Variants in LARGE2 observed in about 807,000 individuals in gnomAD.
LARGE2 encodes xylosyl- and glucuronyltransferase LARGE2.
In LARGE2, 63 loss-of-function variants were observed where a neutral mutation model predicts 75.3. The observed-to-expected ratio is 0.84, with a 90% CI of 0.68 to 1.03. The LOEUF is 1.03. LARGE2 is among the 50% of genes least tolerant of loss of function. The pLI is 0.00. For missense variants in LARGE2, 925 were observed against 980.6 expected (o/e 0.94, Z 0.76); for synonymous variants, 428 against 420.1 (o/e 1.02, Z -0.23).
intron 2 of LARGE2, 85 bp downstream of exon 2, chr11:45,923,252 A>G (rs2086996595): frequency 1.4e-5 from 18 of 1,302,158 alleles, no homozygotes; most frequent in Non-Finnish European, 1.8e-5. Context: ...GAATCACAGT[A>G]CCTGGCGTCT....
At chr11:45,928,531 G>A in intron 13 of LARGE2, 99 bp from the exon 14 acceptor site, 1 of 1,542,796 alleles carries the variant, frequency 6.5e-7, no homozygotes, top group Non-Finnish European at 8.7e-7. Context: ...CCTTGCTTTA[G>A]CTCTCAGGGG....
At position 45,927,411 on chromosome 11, in the gene LARGE2, C is replaced by T. The variant is rs138897549; in HGVS notation, c.1422C>T (p.Phe474=). The change falls in exon 11 of 14, where the codon TTC becomes TTT. Residue 474 remains phenylalanine, a synonymous_variant. Transcript: ENST00000401752. ...CAGAAGCTCAGCAGTTCCTGCATTT[C>T]GTCGAGGCCTCACCAGTGCTTGCTG... The part of the protein sequence containing the change: ...TDAEAQQFLH[F]VEASPVLAAR... 276 of 1,614,176 alleles carry T rather than the reference C, an allele frequency of 1.7e-4. 2 individuals are homozygous for T. Among genetic ancestry groups the T allele is most frequent in the South Asian group, 1.1e-3 (97 of 91,088 alleles).
Position 45,926,311 on chromosome 11 carries a change from GGCCGAGC to G in LARGE2, c.975_981del (p.Glu326AlafsTer10). ...ATGTGCAGCTGTCAGATCACACACT[GGCCGAGC>G]GCTGCTACTCTGAGGCGTCTGACCT... On this transcript the variant is annotated frameshift_variant, in exon 8 of 14. Transcript: ENST00000401752. LOFTEE classifies it high-confidence loss of function. 1 of 1,614,190 alleles carries G rather than the reference GGCCGAGC, an allele frequency of 6.2e-7. No homozygotes were observed. The highest frequency in any genetic ancestry group is 8.5e-7 in the Non-Finnish European group (1 of 1,180,034).
Position 45,922,739 on chromosome 11 carries a change from TG to T in LARGE2, c.-63+13del. 1 of 581,968 alleles carries T rather than the reference TG, an allele frequency of 1.7e-6. No individual in the cohort carries two copies. Among genetic ancestry groups the T allele is most frequent in the Non-Finnish European group, 2.5e-6 (1 of 400,952 alleles). 36.1% of individuals were successfully genotyped at this position (581,968 alleles called of 1,614,324 possible). ...GAGCCGCTGGAGCAGGTGAGGGAGGTGGCTCGGCGCGAGCCGCACAACCCGG... is the reference window on the plus strand; with the variant it reads ...GAGCCGCTGGAGCAGGTGAGGGAGGTGCTCGGCGCGAGCCGCACAACCCGG... On this transcript the variant is annotated intron_variant, in intron 1 of 13. Transcript: ENST00000401752.
intron 3 of LARGE2, 146 bp downstream of exon 3, chr11:45,923,701 A>C: frequency 2.8e-6 from 2 of 726,270 alleles, no homozygotes; most frequent in East Asian, 5.5e-5. Flanking sequence ...TTGTAAGAAC[A>C]TCCTGCCGGG....
At chr11:45,922,533 G>C (rs529029633), upstream of LARGE2, among the ~76,000 whole-genome samples, 5 of 152,096 alleles carry the variant, frequency 3.3e-5, no homozygotes, top group Admixed American at 1.3e-4. Flanking sequence ...CTCGCGGGCT[G>C]GGGAACCGTC....
At chr11:45,926,408 G>T in intron 8 of LARGE2, 34 bp from the exon 9 acceptor site, 1 of 1,613,706 alleles carries the variant, frequency 6.2e-7, no homozygotes. Flanking sequence ...TCTGCTCCCT[G>T]CTCCCATGGC....
In LARGE2 at chr11:45,928,204, A is replaced by G. The variant is rs201782796; in HGVS notation, c.1782A>G (p.Ala594=). The G allele has an allele frequency of 1.3e-4, 214 of 1,613,724 alleles. No individual in the cohort carries two copies. In the East Asian group the frequency reaches 2.9e-3, roughly 22 times the overall value. ...FRYHEWPRGH[A]PTDYARWREA... is the part of the protein sequence containing the mutation. Reference sequence around the variant, plus strand: ...ACCACGAGTGGCCCCGAGGCCACGCACCCACAGACTATGCCCGCTGGCGGG... The same window carrying G: ...ACCACGAGTGGCCCCGAGGCCACGCGCCCACAGACTATGCCCGCTGGCGGG... Residue 594 remains alanine (A), a synonymous_variant, in exon 13 of 14, where the codon GCA becomes GCG. Coordinates refer to ENST00000401752, the MANE Select transcript of LARGE2 (RefSeq NM_001300721.2).
rs952500681 is a variant in LARGE2 at position 45,922,746 on chromosome 11, G to C, written c.-63+18G>C. 1 of 672,400 alleles carries C rather than the reference G, an allele frequency of 1.5e-6. No homozygotes were observed. The highest frequency in any genetic ancestry group is 1.9e-5 in the African/African-American group (1 of 53,424). 41.7% of individuals were successfully genotyped at this position (672,400 alleles called of 1,614,324 possible). On this transcript the variant is annotated intron_variant, in intron 1 of 13. Transcript: ENST00000401752. ...TGGAGCAGGTGAGGGAGGTGGCTCG[G>C]CGCGAGCCGCACAACCCGGCCGTCG...
intron 11 of LARGE2, 128 bp downstream of exon 11, chr11:45,927,721 T>C: frequency 6.9e-7 from 1 of 1,458,822 alleles, no homozygotes; most frequent in Non-Finnish European, 9.5e-7. Flanking sequence ...GGGGTTTGTA[T>C]TAGGCTGTTT....
At chr11:45,924,121 G>A (rs891685665) in intron 3 of LARGE2, 33 bp from the exon 4 acceptor site, 8 of 1,603,572 alleles carry the variant, frequency 5.0e-6, no homozygotes, top group Admixed American at 1.7e-5. Context: ...TCCTGCTGGG[G>A]CCTCTCAGGC....
In LARGE2 at chr11:45,927,931, A is replaced by T. The variant is rs768601708; in HGVS notation, c.1616A>T (p.Glu539Val). 4 of 1,613,214 alleles carry T rather than the reference A, an allele frequency of 2.5e-6. No individual in the cohort carries two copies. The highest frequency in any genetic ancestry group is 3.4e-6 in the Non-Finnish European group (4 of 1,179,828). ...GTGCTCCTCCTCAGGGCCTCCATTG[A>T]GCAGCTGGGGCTGGGCAGCCGGCGC... is the stretch of plus-strand genomic sequence containing the variant. ...SLYDYLRASI[E>V]QLGLGSRRKA... The change falls in exon 12 of 14, where the codon GAG (glutamate) becomes GTG (valine). Residue 539 changes from glutamate to valine, a missense_variant. Glu to Val is a moderately radical substitution (Grantham distance 121). Coordinates refer to ENST00000401752, the MANE Select transcript of LARGE2 (RefSeq NM_001300721.2).
In LARGE2 at chr11:45,928,343, G is replaced by A; in HGVS notation, c.1921G>A (p.Val641Met). 6.2e-7 allele frequency: 1 copy of A among 1,614,112 alleles called. No individual in the cohort carries two copies. Among genetic ancestry groups the A allele is most frequent in the Non-Finnish European group, 8.5e-7 (1 of 1,180,016 alleles). The change falls in exon 13 of 14, where the codon GTG becomes ATG. Residue 641 changes from valine to methionine, a missense_variant. Physicochemically the swap from Val to Met is conservative, Grantham distance 21. Transcript: ENST00000401752. ...PRFVGFGWNK[V>M]AHIVELDAQE... ...CTTTGTGGGCTTCGGCTGGAACAAAGTGGCCCACATTGTGGAGCTGGATGC... is the reference window on the plus strand; with the variant it reads ...CTTTGTGGGCTTCGGCTGGAACAAAATGGCCCACATTGTGGAGCTGGATGC...
At chr11:45,922,612 C>A (rs1429720499), upstream of LARGE2, 4 of 288,152 alleles carry the variant, frequency 1.4e-5, no homozygotes, top group Non-Finnish European at 2.6e-5. Flanking sequence ...CTCAGCCCCG[C>A]TGAGGTGAAA....
rs144746266 is a variant in LARGE2, at chr11:45,928,709, G to A, written c.2030G>A (p.Arg677His). 2,906 of 1,614,068 alleles carry A rather than the reference G, an allele frequency of 1.8e-3. 10 individuals carry two copies. The highest frequency in any genetic ancestry group is 2.2e-3 in the Non-Finnish European group (2,591 of 1,179,998). The change falls in exon 14 of 14, where the codon CGC (arginine) becomes CAC (histidine). Residue 677 changes from arginine (R) to histidine (H), a missense_variant. Around this residue, in one of 3 missense-constraint regions of LARGE2, gnomAD observed 469 missense variants for 503.8 expected, o/e 0.93. Transcript: ENST00000401752. ...HAPSLDISRF[R>H]SSPTYRDCLQ... ...CCAAGCCTGGACATCTCCCGCTTCC[G>A]CTCCAGCCCCACCTATCGTGACTGC...
rs2087372888 is a variant in LARGE2, at chr11:45,928,571, C to T, written c.1951-59C>T. ...AGGGTAAGCCTGTTCTCTGGAGCTG[C>T]ACCTTCCCCGCAGGCCAGGCAAGCC... On this transcript the variant is annotated intron_variant, in intron 13 of 13. Coordinates refer to ENST00000401752, the MANE Select transcript of LARGE2 (RefSeq NM_001300721.2). 3 of 1,584,440 alleles carry T rather than the reference C, an allele frequency of 1.9e-6. No individual in the cohort carries two copies. In the South Asian group the frequency reaches 3.5e-5, roughly 19 times the overall value.
rs756544015 is a variant in LARGE2, at chr11:45,926,581, C to T, written c.1148C>T (p.Pro383Leu). The change falls in exon 9 of 14, where the codon CCA becomes CTA. Residue 383 changes from proline (P) to leucine (L), a missense_variant. Around this residue, in one of 3 missense-constraint regions of LARGE2, gnomAD observed 469 missense variants for 503.8 expected, o/e 0.93. Transcript: ENST00000401752. Reference sequence around the variant, plus strand: ...CTCTTTGTGTGCCCCAGCCAGCCCCCACCTGGTGCTGAGCAGGTGAGAAGG... The same window carrying T: ...CTCTTTGTGTGCCCCAGCCAGCCCCTACCTGGTGCTGAGCAGGTGAGAAGG... ...RELFVCPSQP[P>L]PGAEQLQQAL... 16 of 1,614,018 alleles carry T rather than the reference C, an allele frequency of 9.9e-6. No homozygotes were observed. The highest frequency in any genetic ancestry group is 4.4e-5 in the South Asian group (4 of 91,094).
At position 45,927,486 on chromosome 11, in the gene LARGE2, C is replaced by T. The variant is rs376720948; in HGVS notation, c.1497C>T (p.Tyr499=). The change falls in exon 11 of 14, where the codon TAC becomes TAT. Residue 499 remains tyrosine (Y), a synonymous_variant. Transcript: ENST00000401752. The part of the protein sequence containing the change: ...YHVVYREGPL[Y]PVNQLRNVAL... ...TGGTGTACCGTGAGGGGCCCCTATA[C>T]CCCGTCAACCAGCTTCGCAACGTGG... The T allele has an allele frequency of 2.0e-5, 32 of 1,614,100 alleles. No homozygotes were observed. The highest frequency in any genetic ancestry group is 2.5e-5 in the Non-Finnish European group (29 of 1,180,046).
chr11:45,927,978 G>A lies in LARGE2; in HGVS notation c.1663G>A (p.Ala555Thr). 1.2e-6 allele frequency: 2 copies of A among 1,613,854 alleles called. No individual in the cohort carries two copies. The highest frequency in any genetic ancestry group is 1.1e-5 in the South Asian group (1 of 91,088). Residue 555 changes from alanine (A) to threonine (T), a missense_variant, in exon 12 of 14, where the codon GCA (alanine) becomes ACA (threonine). Ala to Thr is a moderately conservative substitution (Grantham distance 58). Coordinates refer to ENST00000401752, the MANE Select transcript of LARGE2 (RefSeq NM_001300721.2). ...GCGCAAGGCAGCACTGGTGGTGCCG[G>A]CATTCGAGACCCTGCGCTACCGCTT... ...SRRKAALVVP[A>T]FETLRYRFSF... is the part of the protein sequence containing the mutation.
Sources: allele counts gnomAD v4.1 joint callset (sites outside exome capture counted in the v4.1 genomes callset), GRCh38; gene constraint gnomAD v4.1.1; regional missense constraint gnomAD v4.1.1; transcripts MANE v1.5; gene names NCBI Gene and HGNC (gene_info 2026-07-23, HGNC 2026-07-21).